WNK2: variants seen among roughly 807,000 people sequenced by gnomAD.
The protein encoded by WNK2 is serine/threonine-protein kinase WNK2.
A neutral mutation model predicts 192.1 loss-of-function variants in WNK2; 67 were observed. That is an observed-to-expected ratio of 0.35 (90% CI 0.29 to 0.43). WNK2 has a LOEUF of 0.43. Among genes scored for constraint, WNK2 ranks in the 20% least tolerant of loss-of-function variants. The pLI, the probability that WNK2 is intolerant of heterozygous loss-of-function variation, is 1.00. For synonymous variants in WNK2, 1,439 were observed against 1,393.9 expected (o/e 1.03, Z -0.72); for missense variants, 2,698 against 3,089.7 (o/e 0.87, Z 3.01).
intron 2 of WNK2, among the ~76,000 whole-genome samples, chr9:93,218,191 C>G (rs536421803): frequency 2.0e-5 from 3 of 152,154 alleles, no homozygotes; most frequent in Non-Finnish European, 4.4e-5. Flanking sequence ...ACAGCTGTCT[C>G]CTCAGAATTC....
chr9:93,234,866 C>T lies in WNK2; in HGVS notation c.1134C>T (p.Asp378=), dbSNP rs774737755. 2.2e-5 allele frequency: 35 copies of T among 1,614,204 alleles called. No individual in the cohort carries two copies. Among genetic ancestry groups the T allele is most frequent in the African/African-American group, 5.3e-5 (4 of 75,076 alleles). The part of the protein sequence containing the change: ...MYEEHYDESV[D]VYAFGMCMLE... ...AGGAGCACTACGATGAGTCCGTGGA[C>T]GTCTATGCCTTTGGGATGTGCATGC... Residue 378 remains aspartate (D), a synonymous_variant, in exon 5 of 30, where the codon GAC becomes GAT. Transcript: ENST00000427277.
chr9:93,206,951 C>T (rs1833501508), intron 2 of WNK2, among the ~76,000 whole-genome samples: 1 of 152,148 alleles, frequency 6.6e-6, no homozygotes, highest in Non-Finnish European at 1.5e-5. Flanking sequence ...ATGTAGAGGA[C>T]TCCCTGGCCC....
At chr9:93,309,470 T>C (rs1298413447) in intron 28 of WNK2, among the ~76,000 whole-genome samples, 1 of 152,206 alleles carries the variant, frequency 6.6e-6, no homozygotes. Flanking sequence ...TTGGTATCTC[T>C]CCTCTAAATT....
intron 28 of WNK2, among the ~76,000 whole-genome samples, chr9:93,311,888 G>A (rs1853721967): frequency 8.0e-6 from 1 of 124,714 alleles, no homozygotes; most frequent in African/African-American, 2.5e-5. Context: ...CCAAAGTGCT[G>A]GGATTACAGG....
intron 26 of WNK2, among the ~76,000 whole-genome samples, chr9:93,304,034 G>T (rs994885215): frequency 1.3e-5 from 2 of 152,176 alleles, no homozygotes; most frequent in Non-Finnish European, 2.9e-5. Context: ...CAGCTGTCCC[G>T]TGGGCTCCTG....
intron 26 of WNK2, among the ~76,000 whole-genome samples, chr9:93,302,866 C>T (rs553398524): frequency 3.9e-5 from 6 of 152,048 alleles, no homozygotes; most frequent in African/African-American, 1.4e-4. Context: ...CAGATGCCCC[C>T]TTGTGGTCAG....
chr9:93,235,295 C>A (rs1212022571), intron 5 of WNK2, among the ~76,000 whole-genome samples: 2 of 152,180 alleles, frequency 1.3e-5, no homozygotes, highest in Non-Finnish European at 2.9e-5. Flanking sequence ...CACCATAGCC[C>A]CCTGCCTGGA....
At chr9:93,261,174 C>T (rs1327428049) in intron 12 of WNK2, among the ~76,000 whole-genome samples, 2 of 152,196 alleles carry the variant, frequency 1.3e-5, no homozygotes, top group African/African-American at 4.8e-5. Flanking sequence ...TCAGGGCCAG[C>T]AGGCCCAGTG....
intron 26 of WNK2, among the ~76,000 whole-genome samples, chr9:93,305,990 C>A (rs1395198511): frequency 2.0e-5 from 3 of 151,876 alleles, no homozygotes. Flanking sequence ...GCCCTGGGGA[C>A]CTTGTCCCCA....
intron 28 of WNK2, 31 bp from the exon 29 acceptor site, chr9:93,317,489 A>G: frequency 1.9e-6 from 3 of 1,609,878 alleles, no homozygotes; most frequent in Non-Finnish European, 2.5e-6. Context: ...AGCCACGTGT[A>G]CCTTCCTCTT....
Position 93,248,541 on chromosome 9 carries a change from G to A in WNK2, c.1834+707G>A, listed in dbSNP as rs183430488. The stretch of plus-strand genomic sequence containing the variant: ...GCAGTGGCTGCTTGGTGGGACATCT[G>A]TCCTAGGAACAGAGTGTGCTGCTTG... On this transcript the variant is annotated intron_variant, in intron 8 of 29. Coordinates refer to ENST00000427277, the MANE Select transcript of WNK2 (RefSeq NM_006648.4). Among the ~76,000 whole-genome samples the A allele has an allele frequency of 2.0e-3, 304 of 152,352 alleles. 2 individuals are homozygous for A. The highest frequency in any genetic ancestry group is 6.9e-3 in the African/African-American group (288 of 41,580).
chr9:93,243,971 C>T (rs1841233445), intron 7 of WNK2, among the ~76,000 whole-genome samples: 1 of 152,254 alleles, frequency 6.6e-6, no homozygotes, highest in Non-Finnish European at 1.5e-5. Flanking sequence ...GTCACTCATG[C>T]CTGTCATCCC....
chr9:93,299,166 C>T lies in WNK2; in HGVS notation c.6020C>T (p.Ala2007Val). 1 of 1,610,708 alleles carries T rather than the reference C, an allele frequency of 6.2e-7. No individual in the cohort carries two copies. The highest frequency in any genetic ancestry group is 8.5e-7 in the Non-Finnish European group (1 of 1,178,430). Residue 2007 changes from alanine (A) to valine (V), a missense_variant, in exon 25 of 30, where the codon GCA (alanine) becomes GTA (valine). Ala to Val is a moderately conservative substitution (Grantham distance 64). Transcript: ENST00000427277. Reference protein sequence around the residue: ...TADSTGLSGKAVQTQQPCSVR... With the variant: ...TADSTGLSGKVVQTQQPCSVR... ...GACAGCACGGGCCTGAGCGGGAAGGCAGTGCAGACCCAGCAGCCCTGCTCC... is the reference window on the plus strand; with the variant it reads ...GACAGCACGGGCCTGAGCGGGAAGGTAGTGCAGACCCAGCAGCCCTGCTCC...
Position 93,258,971 on chromosome 9 carries a change from C to A in WNK2, c.2423C>A (p.Ala808Glu). 2 of 1,612,722 alleles carry A rather than the reference C, an allele frequency of 1.2e-6. No homozygotes were observed. Among genetic ancestry groups the A allele is most frequent in the Non-Finnish European group, 1.7e-6 (2 of 1,179,698 alleles). Residue 808 changes from alanine to glutamate, a missense_variant, in exon 12 of 30, where the codon GCG becomes GAG. Ala to Glu is a moderately radical substitution (Grantham distance 107). Transcript: ENST00000427277. ...GTTGTGCCCCCCATCACGCCCCTGG[C>A]GGGAATCGACGGCCTCCCTCCGGCC... ...IPVVPPITPLAGIDGLPPALP... is the reference protein window; with the variant it reads ...IPVVPPITPLEGIDGLPPALP...
intron 27 of WNK2, 51 bp from the exon 28 acceptor site, chr9:93,308,277 C>A: frequency 1.3e-6 from 2 of 1,523,034 alleles, no homozygotes; most frequent in South Asian, 1.3e-5. Flanking sequence ...CCACTGGGGG[C>A]CTGGGTGCGT....
rs1828841794 is a variant in WNK2 at position 93,184,237 on chromosome 9, A to G, written c.-151A>G. Among the ~76,000 whole-genome samples, 1 of 149,936 alleles carries G rather than the reference A, an allele frequency of 6.7e-6. No homozygotes were observed. Among genetic ancestry groups the G allele is most frequent in the Non-Finnish European group, 1.5e-5 (1 of 67,402 alleles). ...GCCCCGCAGTGGCCCGGCCCGAGAG[A>G]GCAGCGCGCAGGAGCTGGAGCGGCG... On this transcript the variant is annotated 5_prime_UTR_variant, in exon 1 of 30. Transcript: ENST00000427277.
At chr9:93,308,607 G>T in intron 28 of WNK2, 23 bp downstream of exon 28, 1 of 646,278 alleles carries the variant, frequency 1.5e-6, no homozygotes. Flanking sequence ...CGGGTGGGGC[G>T]GGTGCTCCTG....
In WNK2 at chr9:93,247,223, C is replaced by A. The variant is rs144765232; in HGVS notation, c.1543-320C>A. On this transcript the variant is annotated intron_variant, in intron 7 of 29. Coordinates refer to ENST00000427277, the MANE Select transcript of WNK2 (RefSeq NM_006648.4). This position sits in a 1 kb window ranked among gnomAD's most constrained non-coding sequence, Gnocchi z 5.2. ...GTATGGAGACAATCAGGAGCCCCTT[C>A]CCGTCTGCCACCAGCCCCGGGGGCG... 5.2e-3 allele frequency among the ~76,000 whole-genome samples: 797 copies of A among 152,354 alleles called. 8 individuals carry two copies. The highest frequency in any genetic ancestry group is 0.018 in the African/African-American group (751 of 41,586).
At chr9:93,213,981 G>A (rs4744191) in intron 2 of WNK2, among the ~76,000 whole-genome samples, 34,216 of 151,958 alleles carry the variant, frequency 0.23, 4,292 homozygotes, top group African/African-American at 0.33. Flanking sequence ...ATATAATTTA[G>A]CCCTCCCTGT....
Sources: allele counts gnomAD v4.1 joint callset (sites outside exome capture counted in the v4.1 genomes callset), GRCh38; gene constraint gnomAD v4.1.1; non-coding constraint Gnocchi (gnomAD v3.1); transcripts MANE v1.5; gene names NCBI Gene and HGNC (gene_info 2026-07-23, HGNC 2026-07-21).